Variants in DST observed in about 807,000 individuals in gnomAD.
The protein encoded by DST is dystonin, also known as bullous pemphigoid antigen.
In DST, 253 loss-of-function variants were observed where a neutral mutation model predicts 875.2. That is an observed-to-expected ratio of 0.29 (90% CI 0.26 to 0.32). DST has a LOEUF of 0.32. Ranked by LOEUF, DST falls within the 10% of genes least tolerant of loss-of-function variation. DST has a pLI of 1.00. For synonymous variants in DST, 3,124 were observed against 3,197.1 expected (o/e 0.98, Z 0.77); for missense variants, 8,287 against 9,111.6 (o/e 0.91, Z 3.68).
At chr6:56,861,320 A>G (rs1219858889) in intron 3 of DST, among the ~76,000 whole-genome samples, 2 of 152,168 alleles carry the variant, frequency 1.3e-5, no homozygotes, top group Admixed American at 6.5e-5. Context: ...AGTGAAAACA[A>G]TTCTGCTGCT....
rs776086517 is a variant in DST, at chr6:56,642,118, C to T, written c.1873-17G>A. The T allele has an allele frequency of 6.3e-7, 1 of 1,592,956 alleles. No homozygotes were observed. Among genetic ancestry groups the T allele is most frequent in the Admixed American group, 1.7e-5 (1 of 59,852 alleles). On this transcript the variant is annotated splice_polypyrimidine_tract_variant and intron_variant, in intron 16 of 103. Transcript: ENST00000680361. ...TTTAGAATCCTGTATTTTAAAAGAA[C>T]TCAGTATTAATTCTGTGAAACAAGT...
At chr6:56,788,183 CA>C (rs1202133641) in intron 4 of DST, among the ~76,000 whole-genome samples, 2 of 137,308 alleles carry the variant, frequency 1.5e-5, no homozygotes, top group Non-Finnish European at 3.1e-5. Context: ...TTAATTATAG[CA>C]AGTATCGAAA....
At chr6:56,508,435 G>A (rs2096392945) in intron 75 of DST, 94 bp downstream of exon 75, 1 of 993,732 alleles carries the variant, frequency 1.0e-6, no homozygotes, top group Non-Finnish European at 1.6e-6. Flanking sequence ...AAATATAAAT[G>A]TTAACAGAGT....
At chr6:56,843,705 A>G (rs1307805058) in intron 4 of DST, 10 of 549,958 alleles carry the variant, frequency 1.8e-5, no homozygotes, top group African/African-American at 1.2e-4. Flanking sequence ...AGAGGGAGGG[A>G]GGAGGGTGGA....
chr6:56,693,056 C>T, intron 9 of DST: 1 of 1,289,754 alleles, frequency 7.8e-7, no homozygotes, highest in Non-Finnish European at 1.0e-6. Flanking sequence ...TATTTTCTTC[C>T]AGGAGAGTAT....
At chr6:56,669,045 TA>T (rs1020570015) in intron 10 of DST, among the ~76,000 whole-genome samples, 1 of 151,996 alleles carries the variant, frequency 6.6e-6, no homozygotes, top group Admixed American at 6.6e-5. Context: ...AAAAGCTGGA[TA>T]ATAACAATTC....
chr6:56,854,668 T>C (rs923980678), intron 3 of DST, among the ~76,000 whole-genome samples: 3 of 152,200 alleles, frequency 2.0e-5, no homozygotes, highest in Non-Finnish European at 4.4e-5. Context: ...TTCCTTATAA[T>C]ATTTTAATCC....
rs2098519297 is a variant in DST, at chr6:56,608,739, A to C, written c.5889T>G (p.Cys1963Trp). ...CTCTTAAAATGCTTATGTTTCTTCCACATTTTAATGTTATTCTACCTCCTT... is the reference window on the plus strand; with the variant it reads ...CTCTTAAAATGCTTATGTTTCTTCCCCATTTTAATGTTATTCTACCTCCTT... ...PQEGGRITLK[C>W]GRNISILRAA... is the part of the protein sequence containing the mutation. Residue 1963 changes from cysteine to tryptophan, a missense_variant, in exon 40 of 104, where the codon TGT becomes TGG. By Grantham distance (215) the Cys-to-Trp change is radical. Around this residue, in one of 10 missense-constraint regions of DST, gnomAD observed 3,138 missense variants for 3,116.6 expected, o/e 1.01. Transcript: ENST00000680361. 6.2e-7 allele frequency: 1 copy of C among 1,610,224 alleles called. No individual in the cohort carries two copies. The highest frequency in any genetic ancestry group is 8.5e-7 in the Non-Finnish European group (1 of 1,178,098).
intron 9 of DST, among the ~76,000 whole-genome samples, chr6:56,676,530 G>A (rs2099131057): frequency 6.6e-6 from 1 of 152,050 alleles, no homozygotes; most frequent in Non-Finnish European, 1.5e-5. Context: ...ATTATTACTT[G>A]GATATATATC....
chr6:56,711,993 AG>A (rs1196018559), intron 5 of DST, among the ~76,000 whole-genome samples: 3 of 148,754 alleles, frequency 2.0e-5, no homozygotes, highest in African/African-American at 7.4e-5. Context: ...CGGGAGGCTG[AG>A]GCAGGAGAAT....
Position 56,552,760 on chromosome 6 carries a change from T to A in DST, c.16032A>T (p.Ser5344=). 1.2e-6 allele frequency: 2 copies of A among 1,610,448 alleles called. No homozygotes were observed. Among genetic ancestry groups the A allele is most frequent in the South Asian group, 1.1e-5 (1 of 91,084 alleles). Residue 5344 remains serine (S), a synonymous_variant, in exon 61 of 104, where the codon TCA becomes TCT. Transcript: ENST00000680361. ...AAACATCAGAGGTTCCCTTTGAGTC[T>A]GAGGCCTCTACCACAAGGTCCTGTG... is the stretch of plus-strand genomic sequence containing the variant. ...RLAQDLVVEA[S]DSKGTSDVLL...
intron 4 of DST, among the ~76,000 whole-genome samples, chr6:56,786,681 C>T (rs1337259288): frequency 6.6e-6 from 1 of 151,952 alleles, no homozygotes; most frequent in Non-Finnish European, 1.5e-5. Flanking sequence ...TATAGGCACC[C>T]GCCACCACAC....
intron 3 of DST, among the ~76,000 whole-genome samples, chr6:56,874,643 T>C (rs1297884411): frequency 6.6e-6 from 1 of 152,216 alleles, no homozygotes; most frequent in Non-Finnish European, 1.5e-5. Flanking sequence ...CCAGTTTAAA[T>C]CCAGTTCTTA....
At chr6:56,652,445 T>C (rs914037964) in intron 10 of DST, among the ~76,000 whole-genome samples, 10 of 152,332 alleles carry the variant, frequency 6.6e-5, no homozygotes, top group African/African-American at 2.4e-4. Context: ...AAAGGCTCTC[T>C]ACAAGCTCCA....
intron 9 of DST, among the ~76,000 whole-genome samples, chr6:56,686,830 C>T (rs1325188151): frequency 6.6e-6 from 1 of 152,212 alleles, no homozygotes; most frequent in East Asian, 1.9e-4. Context: ...TCTCCAGAAA[C>T]AGAAGACAAA....
chr6:56,882,312 A>G (rs983079548), intron 3 of DST, among the ~76,000 whole-genome samples: 1 of 152,250 alleles, frequency 6.6e-6, no homozygotes, highest in Admixed American at 6.5e-5. Context: ...AAAGATATCC[A>G]CATCCAGCTA....
intron 2 of DST, among the ~76,000 whole-genome samples, chr6:56,929,369 C>A (rs1443114858): frequency 1.3e-5 from 2 of 152,094 alleles, no homozygotes; most frequent in Non-Finnish European, 2.9e-5. Context: ...CAATAGAATA[C>A]TATGCACCTA....
intron 4 of DST, chr6:56,785,730 C>A (rs185198172): frequency 4.0e-4 from 61 of 153,954 alleles, no homozygotes; most frequent in Middle Eastern, 3.2e-3. Flanking sequence ...CACTCTCCTG[C>A]GCCCACTGTC....
rs115275100 is a variant in DST, at chr6:56,678,152, C to T, written c.1048-7345G>A. 1.8e-3 allele frequency among the ~76,000 whole-genome samples: 277 copies of T among 152,324 alleles called. 1 individual carries two copies. Among genetic ancestry groups the T allele is most frequent in the African/African-American group, 6.6e-3 (273 of 41,564 alleles). On this transcript the variant is annotated intron_variant, in intron 9 of 103. Coordinates refer to ENST00000680361, the MANE Select transcript of DST (RefSeq NM_001374736.1). ...TCTCCTTAAACACGATGCTCGCATC[C>T]CTCAAAGATGTGGCACCTGGCCGTG...
Sources: gnomAD v4.1 joint callset for allele counts (sites outside exome capture counted in the v4.1 genomes callset) on GRCh38, gnomAD v4.1.1 for gene constraint, gnomAD v4.1.1 regional missense constraint, MANE v1.5 for transcripts, NCBI Gene and HGNC (gene_info 2026-07-23, HGNC 2026-07-21) for gene names.